TLN2: variants seen among roughly 807,000 people sequenced by gnomAD.
The protein encoded by TLN2 is talin-2.
In TLN2, 118 loss-of-function variants were observed where a neutral mutation model predicts 294.7. That is an observed-to-expected ratio of 0.40 (90% CI 0.34 to 0.47). The LOEUF (loss-of-function observed/expected upper bound fraction) is 0.47, where lower values mean the gene tolerates loss of function less well. Ranked by LOEUF, TLN2 falls within the 20% of genes least tolerant of loss-of-function variation. The pLI is 0.84. For synonymous variants in TLN2, 1,431 were observed against 1,304.5 expected, an observed-to-expected ratio of 1.10 and a Z score of -2.09; for missense variants, 3,083 against 3,282.2, an observed-to-expected ratio of 0.94 and a Z score of 1.48.
chr15:62,494,016 C>T (rs1007196548), intron 1 of TLN2, among the ~76,000 whole-genome samples: 4 of 152,128 alleles, frequency 2.6e-5, no homozygotes, highest in African/African-American at 9.7e-5. Flanking sequence ...TACCACCCCC[C>T]TTTGTCTGGG....
At chr15:62,714,644 T>C (rs1421317163) in intron 22 of TLN2, among the ~76,000 whole-genome samples, 1 of 152,240 alleles carries the variant, frequency 6.6e-6, no homozygotes. Context: ...TGTAAATTCT[T>C]TTAACTTTTA....
rs536284883 is a variant in TLN2, at chr15:62,551,438, G to A, written c.-237-38249G>A. Among the ~76,000 whole-genome samples, 218 of 152,216 alleles carry A rather than the reference G, an allele frequency of 1.4e-3. 1 individual carries two copies. Among genetic ancestry groups the A allele is most frequent in the African/African-American group, 5.0e-3 (208 of 41,512 alleles). ...TGTAATCTCAGCACGTTGGGAGGCC[G>A]AGACAGGCAGATCATGAGGTCAGGA... On this transcript the variant is annotated intron_variant, in intron 1 of 58. Transcript: ENST00000636159.
chr15:62,410,657 A>G (rs1373685660), intron 1 of TLN2, among the ~76,000 whole-genome samples: 6 of 152,202 alleles, frequency 3.9e-5, no homozygotes, highest in Non-Finnish European at 7.3e-5. Context: ...GTGCAGGGCT[A>G]CTGAGGGATG....
intron 1 of TLN2, among the ~76,000 whole-genome samples, chr15:62,466,622 T>A (rs564793061): frequency 1.3e-5 from 2 of 152,368 alleles, no homozygotes; most frequent in South Asian, 4.1e-4. Context: ...ATTAGCATGA[T>A]CCCTTTTCTC....
intron 1 of TLN2, among the ~76,000 whole-genome samples, chr15:62,412,268 C>T (rs1172874756): frequency 2.6e-5 from 4 of 152,146 alleles, no homozygotes; most frequent in Non-Finnish European, 5.9e-5. Flanking sequence ...GACTGGGACA[C>T]CTGTCAACAT....
chr15:62,557,962 G>A (rs907450723), intron 1 of TLN2, among the ~76,000 whole-genome samples: 4 of 152,200 alleles, frequency 2.6e-5, no homozygotes, highest in African/African-American at 9.7e-5. Flanking sequence ...CTGCAGAGAC[G>A]CCTCAGTGGA....
intron 1 of TLN2, among the ~76,000 whole-genome samples, chr15:62,428,077 C>G (rs2034815076): frequency 6.6e-6 from 1 of 152,158 alleles, no homozygotes; most frequent in African/African-American, 2.4e-5. Flanking sequence ...TGCCACCACC[C>G]CCCCTCCACA....
chr15:62,781,200 G>A lies in TLN2; in HGVS notation c.5575G>A (p.Val1859Ile), dbSNP rs2064136902. 7 of 1,614,054 alleles carry A rather than the reference G, an allele frequency of 4.3e-6. No individual in the cohort carries two copies. Among genetic ancestry groups the A allele is most frequent in the African/African-American group, 1.3e-5 (1 of 74,916 alleles). ...ATTTGTCGACTATCAGACGACTGTG[G>A]TTAAATACTCCAAAGCCATTGCGGT... ...GTFVDYQTTV[V>I]KYSKAIAVTA... Residue 1859 changes from valine to isoleucine, a missense_variant, in exon 44 of 59, where the codon GTT becomes ATT. Val to Ile is a conservative substitution (Grantham distance 29, BLOSUM62 3). Transcript: ENST00000636159.
intron 43 of TLN2, among the ~76,000 whole-genome samples, chr15:62,778,110 T>G (rs1472124482): frequency 1.3e-5 from 2 of 152,246 alleles, no homozygotes; most frequent in Non-Finnish European, 2.9e-5. Flanking sequence ...GAAGAAATGA[T>G]ATGCTGTAAC....
intron 1 of TLN2, among the ~76,000 whole-genome samples, chr15:62,436,994 G>A (rs1725308764): frequency 6.6e-6 from 1 of 152,234 alleles, no homozygotes; most frequent in Non-Finnish European, 1.5e-5. Flanking sequence ...CTCCCAAAGT[G>A]TTGGGATTAA....
chr15:62,575,798 C>G (rs112757652), intron 1 of TLN2, among the ~76,000 whole-genome samples: 1 of 152,220 alleles, frequency 6.6e-6, no homozygotes. Context: ...ACTTCATCCA[C>G]GGAAAACCAG....
At chr15:62,813,076 A>C (rs1256727649) in intron 52 of TLN2, among the ~76,000 whole-genome samples, 1 of 152,174 alleles carries the variant, frequency 6.6e-6, no homozygotes, top group Non-Finnish European at 1.5e-5. Flanking sequence ...TGGAGATCGG[A>C]AGGAGGGAGA....
chr15:62,569,635 C>T (rs973874944), intron 1 of TLN2, among the ~76,000 whole-genome samples: 7 of 152,174 alleles, frequency 4.6e-5, no homozygotes, highest in East Asian at 1.9e-4. Flanking sequence ...TTGTGTAAGC[C>T]GGTGAACTCA....
chr15:62,443,070 AC>A (rs528990150), intron 1 of TLN2, among the ~76,000 whole-genome samples: 309 of 152,232 alleles, frequency 2.0e-3, no homozygotes, highest in African/African-American at 6.8e-3. Context: ...CACGAGGTGC[AC>A]CTGGATAATC....
intron 43 of TLN2, among the ~76,000 whole-genome samples, chr15:62,779,928 A>G (rs762302839): frequency 2.6e-5 from 4 of 152,222 alleles, no homozygotes; most frequent in African/African-American, 4.8e-5. Context: ...ATGCCTGCTC[A>G]TGACATATAG....
chr15:62,516,554 A>T (rs957080741), intron 1 of TLN2, among the ~76,000 whole-genome samples: 1 of 152,164 alleles, frequency 6.6e-6, no homozygotes, highest in Admixed American at 6.5e-5. Context: ...AATTATCTCA[A>T]ATCTTTTGAT....
At chr15:62,652,189 CTCT>C (rs2052666522) in intron 6 of TLN2, 55 bp downstream of exon 6, 2 of 1,447,468 alleles carry the variant, frequency 1.4e-6, no homozygotes, top group East Asian at 4.7e-5. Context: ...AATTACAGGC[CTCT>C]TCTTTTTTCC....
chr15:62,551,782 G>A (rs565352318), intron 1 of TLN2, among the ~76,000 whole-genome samples: 2 of 152,290 alleles, frequency 1.3e-5, no homozygotes, highest in South Asian at 2.1e-4. Flanking sequence ...CAGTGGAAAT[G>A]ACTCAAAAAG....
At chr15:62,836,263 C>T in intron 57 of TLN2, 190 bp downstream of exon 57, 1 of 847,842 alleles carries the variant, frequency 1.2e-6, no homozygotes, top group African/African-American at 1.7e-5. Flanking sequence ...TGCCATTCTC[C>T]TCGTGTGCCT....
Sources: gnomAD v4.1 joint callset for allele counts (sites outside exome capture counted in the v4.1 genomes callset) on GRCh38, gnomAD v4.1.1 for gene constraint, MANE v1.5 for transcripts, NCBI Gene and HGNC (gene_info 2026-07-23, HGNC 2026-07-21) for gene names.